Variants in NCAM2 observed in about 807,000 individuals in gnomAD.
NCAM2 encodes the protein neural cell adhesion molecule 2, also known as N-CAM-2.
NCAM2 carries 30 observed loss-of-function variants against 98.1 expected under a neutral mutation model. The ratio of observed to expected loss-of-function variants is 0.31; its 90% CI spans 0.23 to 0.41. The LOEUF (loss-of-function observed/expected upper bound fraction) is 0.41. Among genes scored for constraint, NCAM2 ranks in the 10% least tolerant of loss-of-function variants. The pLI, the probability that NCAM2 is intolerant of heterozygous loss-of-function variation, is 1.00. For missense variants in NCAM2, 867 were observed against 1,005.8 expected (o/e 0.86, Z 1.87); for synonymous variants, 368 against 342.4 (o/e 1.07, Z -0.83).
chr21:21,217,014 G>GT (rs1384495810), intron 1 of NCAM2, among the ~76,000 whole-genome samples: 1 of 152,162 alleles, frequency 6.6e-6, no homozygotes, highest in Non-Finnish European at 1.5e-5. Flanking sequence ...AAACAAAGCT[G>GT]TTTTTTAAAC....
intron 1 of NCAM2, among the ~76,000 whole-genome samples, chr21:21,185,102 A>G (rs928777152): frequency 4.6e-5 from 7 of 152,204 alleles, no homozygotes; most frequent in Admixed American, 4.6e-4. Context: ...GCAAGTTAAA[A>G]TGACAATTTA....
chr21:21,438,978 C>A (rs1039487234), intron 12 of NCAM2, among the ~76,000 whole-genome samples: 1 of 151,966 alleles, frequency 6.6e-6, no homozygotes, highest in Admixed American at 6.6e-5. Flanking sequence ...CTCAGCTACT[C>A]AGGAGGCTGA....
intron 9 of NCAM2, among the ~76,000 whole-genome samples, chr21:21,392,562 C>T (rs1255082504): frequency 1.3e-5 from 2 of 152,200 alleles, no homozygotes; most frequent in Non-Finnish European, 2.9e-5. Context: ...TATACACTGC[C>T]ACCAACAGTG....
intron 1 of NCAM2, among the ~76,000 whole-genome samples, chr21:21,113,975 A>G (rs1015897256): frequency 2.6e-5 from 4 of 152,162 alleles, no homozygotes; most frequent in African/African-American, 9.6e-5. Context: ...ATAATTCTCT[A>G]ACTAACATTG....
At chr21:21,206,048 A>G (rs2069424849) in intron 1 of NCAM2, among the ~76,000 whole-genome samples, 1 of 152,086 alleles carries the variant, frequency 6.6e-6, no homozygotes. Flanking sequence ...TTGTAGCAGT[A>G]CTCTTAGCAA....
At chr21:21,535,261 A>G (rs1206572802) in intron 17 of NCAM2, among the ~76,000 whole-genome samples, 1 of 152,110 alleles carries the variant, frequency 6.6e-6, no homozygotes, top group African/African-American at 2.4e-5. Flanking sequence ...TCATGCACAG[A>G]ATAATTAGAA....
rs547608887 is a variant in NCAM2, at chr21:21,497,532, C to T, written c.2078-11319C>T. On this transcript the variant is annotated intron_variant, in intron 15 of 17. Coordinates refer to ENST00000400546, the MANE Select transcript of NCAM2 (RefSeq NM_004540.5). ...TATCGGTGCTACCTTTTTACTGTTCCGAATCCCTGATAAGCTTCCTAGGAT... is the reference window on the plus strand; with the variant it reads ...TATCGGTGCTACCTTTTTACTGTTCTGAATCCCTGATAAGCTTCCTAGGAT... Among the ~76,000 whole-genome samples the T allele has an allele frequency of 5.9e-5, 9 of 152,124 alleles. No homozygotes were observed. In the South Asian group the frequency reaches 1.2e-3, roughly 21 times the overall value.
chr21:21,009,566 T>C (rs1601078313), intron 1 of NCAM2, among the ~76,000 whole-genome samples: 5 of 152,122 alleles, frequency 3.3e-5, no homozygotes, highest in Admixed American at 3.3e-4. Context: ...TATTGAAATA[T>C]ATAAATAAAT....
intron 1 of NCAM2, among the ~76,000 whole-genome samples, chr21:21,071,870 C>CTGTCTGT (rs2065572823): frequency 7.2e-5 from 10 of 138,172 alleles, no homozygotes; most frequent in African/African-American, 2.5e-4. Flanking sequence ...GTCATGTCTG[C>CTGTCTGT]CTATCTATCT....
chr21:21,323,979 T>C (rs2074443882), intron 5 of NCAM2, among the ~76,000 whole-genome samples: 1 of 152,162 alleles, frequency 6.6e-6, no homozygotes, highest in South Asian at 2.1e-4. Context: ...TGATGTAAGT[T>C]AGGGTGGTAT....
At position 21,541,427 on chromosome 21, in the gene NCAM2, A is replaced by T. The variant is rs1214251422; in HGVS notation, c.*3470A>T. The T allele has an allele frequency of 2.0e-5, 3 of 151,592 alleles. No homozygotes were observed. Among genetic ancestry groups the T allele is most frequent in the Admixed American group, 6.6e-5 (1 of 15,190 alleles). 9.4% of individuals were successfully genotyped at this position (151,592 alleles called of 1,614,324 possible). A position where few individuals can be genotyped will look rare whatever the true frequency, so the allele number is the denominator to read the frequency against. On this transcript the variant is annotated 3_prime_UTR_variant, in exon 18 of 18. Transcript: ENST00000400546. ...ATTTACTTTAATTCATGTCAAAACA[A>T]TTCTTTTTATACACACACATGAAAT... is the stretch of plus-strand genomic sequence containing the variant.
At chr21:21,123,252 G>C (rs1387390992) in intron 1 of NCAM2, among the ~76,000 whole-genome samples, 1 of 151,880 alleles carries the variant, frequency 6.6e-6, no homozygotes, top group Admixed American at 6.6e-5. Context: ...AAAATCAGCC[G>C]GGCGTGGTGG....
intron 1 of NCAM2, among the ~76,000 whole-genome samples, chr21:21,190,635 T>C (rs1188201100): frequency 6.6e-6 from 1 of 152,164 alleles, no homozygotes; most frequent in Non-Finnish European, 1.5e-5. Context: ...CATAATTCAG[T>C]TCATGTATAT....
chr21:21,340,461 CTG>C (rs1432244263), intron 8 of NCAM2, among the ~76,000 whole-genome samples: 3 of 151,956 alleles, frequency 2.0e-5, no homozygotes, highest in Admixed American at 6.6e-5. Flanking sequence ...TCTGTAGTAA[CTG>C]TGAAAAATAA....
chr21:21,531,779 G>C (rs945513530), intron 16 of NCAM2, among the ~76,000 whole-genome samples: 1 of 148,842 alleles, frequency 6.7e-6, no homozygotes, highest in African/African-American at 2.5e-5. Context: ...AGGAGATGGA[G>C]ACCATCATGG....
intron 6 of NCAM2, among the ~76,000 whole-genome samples, chr21:21,328,733 GTATA>G (rs898377255): frequency 3.3e-5 from 5 of 151,898 alleles, no homozygotes; most frequent in Admixed American, 1.3e-4. Flanking sequence ...ATTTTTAAGA[GTATA>G]TAAAGTAAAA....
At chr21:21,518,345 A>G (rs2146380984) in intron 16 of NCAM2, among the ~76,000 whole-genome samples, 1 of 152,326 alleles carries the variant, frequency 6.6e-6, no homozygotes, top group African/African-American at 2.4e-5. Context: ...TGCAAACTGC[A>G]TATTTATTGG....
intron 10 of NCAM2, among the ~76,000 whole-genome samples, chr21:21,411,125 CACAT>C (rs1569033686): frequency 4.1e-5 from 1 of 24,234 alleles, no homozygotes; most frequent in African/African-American, 1.8e-4. Context: ...TATATATATA[CACAT>C]ATATATGTAT....
rs1275691412 is a variant in NCAM2 at position 21,338,326 on chromosome 21, C to G, written c.899-63C>G. On this transcript the variant is annotated intron_variant, in intron 7 of 17. Transcript: ENST00000400546. Reference sequence around the variant, plus strand: ...TAGTAGACTTAAACACCCATCATGACTTTTGTCTGAGAAGTAATATTTTCC... The same window carrying G: ...TAGTAGACTTAAACACCCATCATGAGTTTTGTCTGAGAAGTAATATTTTCC... 2.3e-5 allele frequency: 34 copies of G among 1,484,010 alleles called. No individual in the cohort carries two copies. In the Admixed American group the frequency reaches 5.5e-4, roughly 24 times the overall value. The allele number at this position is 1,484,010 out of a possible 1,614,324, so 91.9% of individuals were successfully genotyped here.
Sources: allele counts gnomAD v4.1 joint callset (sites outside exome capture counted in the v4.1 genomes callset), GRCh38; gene constraint gnomAD v4.1.1; transcripts MANE v1.5; gene names NCBI Gene and HGNC (gene_info 2026-07-23, HGNC 2026-07-21).